The following SYTL5 variants were observed in gnomAD, a reference collection of about 807,000 sequenced individuals.
SYTL5 encodes synaptotagmin-like protein 5.
Under a neutral mutation model 55.9 loss-of-function variants are expected in SYTL5, and 34 were observed. The ratio of observed to expected loss-of-function variants is 0.61; its 90% CI spans 0.46 to 0.81. The LOEUF is 0.81. Ranked by LOEUF, SYTL5 falls within the 30% of genes least tolerant of loss-of-function variation. SYTL5 has a pLI of 0.00. For synonymous variants in SYTL5, 221 were observed against 188.7 expected (o/e 1.17, Z -1.40); for missense variants, 637 against 546.7 (o/e 1.17, Z -1.65).
chrX:38,092,221 G>C (rs1250333699), intron 7 of SYTL5, among the ~76,000 whole-genome samples: 1 of 111,839 alleles, frequency 8.9e-6, no homozygotes, highest in South Asian at 3.8e-4. Flanking sequence ...ATTAGTCAGG[G>C]ATCTCCACAG....
chrX:38,109,050 C>T (rs903991728), intron 12 of SYTL5, among the ~76,000 whole-genome samples: 2 of 112,033 alleles, frequency 1.8e-5, no homozygotes, highest in Admixed American at 9.5e-5. Context: ...AGTTTTGACA[C>T]TACTTAATGA....
chrX:37,989,340 C>G, the SYTL5 span, among the ~76,000 whole-genome samples: 1 of 112,031 alleles, frequency 8.9e-6, no homozygotes, highest in Non-Finnish European at 1.9e-5. Flanking sequence ...ACAATGCCAG[C>G]TTAGACTGAA....
At chrX:38,112,129 G>A (rs1396682428) in intron 13 of SYTL5, among the ~76,000 whole-genome samples, 1 of 111,690 alleles carries the variant, frequency 9.0e-6, no homozygotes, top group African/African-American at 3.3e-5. Context: ...TCCTCTGCCA[G>A]ATACCCTTAG....
At chrX:37,967,890 T>C in the SYTL5 span, among the ~76,000 whole-genome samples, 1,063 of 108,169 alleles carry the variant, frequency 9.8e-3, 11 homozygotes, top group African/African-American at 0.034. Context: ...CATGAGTCAC[T>C]GCACCTGATT....
At chrX:38,095,748 T>C (rs1321063132) in intron 8 of SYTL5, among the ~76,000 whole-genome samples, 2 of 104,957 alleles carry the variant, frequency 1.9e-5, no homozygotes, top group Non-Finnish European at 3.9e-5. Flanking sequence ...TCTCTAAATA[T>C]TGCAAGCAAG....
intron 6 of SYTL5, among the ~76,000 whole-genome samples, chrX:38,088,035 G>A (rs932992434): frequency 6.3e-5 from 7 of 111,059 alleles, no homozygotes; most frequent in African/African-American, 2.0e-4. Flanking sequence ...ATGGAAAATG[G>A]CTAACACCTA....
At chrX:38,022,095 AAC>A (rs1934572262) in intron 1 of SYTL5, among the ~76,000 whole-genome samples, 1 of 112,620 alleles carries the variant, frequency 8.9e-6, no homozygotes, top group Non-Finnish European at 1.9e-5. Context: ...CATCAGATTC[AAC>A]AGATTTAAAA....
the SYTL5 span, among the ~76,000 whole-genome samples, chrX:37,960,907 T>G: frequency 9.2e-6 from 1 of 109,174 alleles, no homozygotes; most frequent in Non-Finnish European, 1.9e-5. Context: ...GCCATTCTCC[T>G]GCCTCAGCCT....
At chrX:37,914,341 G>C in the SYTL5 span, among the ~76,000 whole-genome samples, 1 of 111,916 alleles carries the variant, frequency 8.9e-6, no homozygotes, top group East Asian at 2.8e-4. Context: ...TCCATTGATG[G>C]AAAAATGATA....
At chrX:38,015,706 GTT>G (rs367736386) in intron 1 of SYTL5, among the ~76,000 whole-genome samples, 1 of 101,941 alleles carries the variant, frequency 9.8e-6, no homozygotes. Flanking sequence ...ACAATTCAAT[GTT>G]TTTTTTTTTT....
rs377732678 is a variant in SYTL5 at position 38,073,679 on chromosome X, G to T, written c.535G>T (p.Asp179Tyr). 3.4e-6 allele frequency: 4 copies of T among 1,192,085 alleles called. No homozygotes were observed. Among genetic ancestry groups the T allele is most frequent in the South Asian group, 1.8e-5 (1 of 54,075 alleles). ...TGTTGCTGGGAAGAAGGCCAGCCAT[G>T]ATGGGCCCAAGAGAAAGGGGTAAGA... ...SPVAGKKASHDGPKRKGFLLS... is the reference protein window; with the variant it reads ...SPVAGKKASHYGPKRKGFLLS... Residue 179 changes from aspartate to tyrosine, a missense_variant, in exon 5 of 17, where the codon GAT becomes TAT. Transcript: ENST00000297875.
At chrX:38,070,327 G>A (rs1208010599) in intron 3 of SYTL5, among the ~76,000 whole-genome samples, 1 of 110,714 alleles carries the variant, frequency 9.0e-6, no homozygotes, top group African/African-American at 3.3e-5. Flanking sequence ...GGCTTGAAAT[G>A]CCTATTTGAC....
the SYTL5 span, among the ~76,000 whole-genome samples, chrX:37,893,598 A>G: frequency 2.6e-3 from 196 of 76,714 alleles, no homozygotes; most frequent in Middle Eastern, 0.016. Flanking sequence ...TATATTATCT[A>G]TAGATTATAT....
At chrX:38,036,321 TAAC>T (rs1210067486) in intron 2 of SYTL5, among the ~76,000 whole-genome samples, 1 of 110,603 alleles carries the variant, frequency 9.0e-6, no homozygotes, top group African/African-American at 3.3e-5. Context: ...ATAATAATAA[TAAC>T]AATTATTATT....
chrX:38,052,188 A>G (rs1463196735), intron 2 of SYTL5, among the ~76,000 whole-genome samples: 3 of 111,697 alleles, frequency 2.7e-5, no homozygotes, highest in South Asian at 3.8e-4. Flanking sequence ...AAATGAAGCC[A>G]AGTCAAGGGT....
At chrX:38,018,537 A>G (rs915177983) in intron 1 of SYTL5, among the ~76,000 whole-genome samples, 5 of 111,100 alleles carry the variant, frequency 4.5e-5, no homozygotes, top group Non-Finnish European at 9.4e-5. Context: ...GGACCTCAAC[A>G]TATCTAAATT....
chrX:37,988,313 T>C, the SYTL5 span, among the ~76,000 whole-genome samples: 6 of 111,653 alleles, frequency 5.4e-5, no homozygotes, highest in Non-Finnish European at 1.1e-4. Flanking sequence ...AGAGGGAGTA[T>C]GGCAATGTTG....
the SYTL5 span, among the ~76,000 whole-genome samples, chrX:37,976,013 G>T: frequency 8.9e-6 from 1 of 111,841 alleles, no homozygotes; most frequent in South Asian, 3.8e-4. Flanking sequence ...CTTGCAGGGG[G>T]TGAGAAACCT....
the SYTL5 span, among the ~76,000 whole-genome samples, chrX:37,924,509 C>T: frequency 9.0e-6 from 1 of 111,402 alleles, no homozygotes; most frequent in Non-Finnish European, 1.9e-5. Context: ...TGCGTGAATA[C>T]TTATTGTATA....
Sources: gnomAD v4.1 joint callset for allele counts (sites outside exome capture counted in the v4.1 genomes callset) on GRCh38, gnomAD v4.1.1 for gene constraint, MANE v1.5 for transcripts, NCBI Gene and HGNC (gene_info 2026-07-23, HGNC 2026-07-21) for gene names.